The following SMC1A variants were observed in gnomAD, a reference collection of about 807,000 sequenced individuals.
SMC1A encodes the protein structural maintenance of chromosomes protein 1A.
SMC1A carries 4 observed loss-of-function variants against 94.5 expected under a neutral mutation model. That is an observed-to-expected ratio of 0.04 (90% CI 0.02 to 0.10). The LOEUF (loss-of-function observed/expected upper bound fraction) is 0.10. SMC1A is among the 10% of genes least tolerant of loss of function. SMC1A has a pLI of 1.00. For missense variants in SMC1A, 304 were observed against 989.0 expected (o/e 0.31, Z 9.29); for synonymous variants, 345 against 347.7 (o/e 0.99, Z 0.09).
intron 1 of SMC1A, 139 bp downstream of exon 1, chrX:53,422,353 C>T (rs782127386): frequency 1.2e-5 from 6 of 501,931 alleles, no homozygotes; most frequent in African/African-American, 2.3e-5. Context: ...TGGGTTCGAG[C>T]AGAACCCCCT....
chrX:53,374,659 C>T lies in SMC1A; in HGVS notation c.*5444G>A, dbSNP rs181871602. ...GGATCTCATAGTCAGTTTTGTCTCA[C>T]GGTTTCTGTTCCTCGTGGCTCCTAT... On this transcript the variant is annotated 3_prime_UTR_variant, in exon 25 of 25. Transcript: ENST00000322213. 61 of 112,048 alleles carry T rather than the reference C, an allele frequency of 5.4e-4. No individual in the cohort carries two copies. The highest frequency in any genetic ancestry group is 4.9e-4 in the Non-Finnish European group (26 of 53,179). The allele number at this position is 112,048 out of a possible 1,213,427, so 9.2% of individuals were successfully genotyped here. A position where few individuals can be genotyped will look rare whatever the true frequency, so the allele number is the denominator to read the frequency against.
Position 53,403,214 on chromosome X carries a change from T to TA in SMC1A, c.2420+351dup, listed in dbSNP as rs1222245410. On this transcript the variant is annotated intron_variant, in intron 15 of 24. Transcript: ENST00000322213. Reference sequence around the variant, plus strand: ...AAAAAAAAGGTAAAACAGGTAATCTTAAAAAAAAAAAATTATTTCACCTAA... The same window carrying TA: ...AAAAAAAAGGTAAAACAGGTAATCTTAAAAAAAAAAAAATTATTTCACCTAA... Among the ~76,000 whole-genome samples the TA allele has an allele frequency of 1.4e-3, 131 of 91,675 alleles. 1 individual carries two copies. Among genetic ancestry groups the TA allele is most frequent in the East Asian group, 4.7e-3 (14 of 2,954 alleles). 79.6% of individuals were successfully genotyped at this position (91,675 alleles called of 115,157 possible).
rs189564109 is a variant in SMC1A at position 53,374,476 on chromosome X, T to C, written c.*5627A>G. On this transcript the variant is annotated 3_prime_UTR_variant, in exon 25 of 25. Transcript: ENST00000322213. ...AGCTTCATGGCTCCCGGCGCTTCAG[T>C]TCCTATTAATCCATGGCTTTTCTGC... 3 of 111,733 alleles carry C rather than the reference T, an allele frequency of 2.7e-5. No homozygotes were observed. Among genetic ancestry groups the C allele is most frequent in the African/African-American group, 9.8e-5 (3 of 30,701 alleles). 9.2% of individuals were successfully genotyped at this position (111,733 alleles called of 1,213,427 possible).
chrX:53,380,324 T>C, intron 24 of SMC1A, 138 bp from the exon 25 acceptor site: 1 of 510,836 alleles, frequency 2.0e-6, no homozygotes, highest in African/African-American at 2.3e-5. Context: ...TCTCTGGGTG[T>C]GAGAGGATAT....
intron 1 of SMC1A, among the ~76,000 whole-genome samples, 167 bp from the exon 2 acceptor site, chrX:53,415,336 C>G (rs1055835281): frequency 2.7e-5 from 3 of 111,414 alleles, no homozygotes; most frequent in Non-Finnish European, 5.7e-5. Context: ...ACAACCAAAC[C>G]TCTGGGTCAA....
intron 19 of SMC1A, among the ~76,000 whole-genome samples, chrX:53,390,720 C>T (rs1389848079): frequency 1.3e-4 from 14 of 108,054 alleles, no homozygotes; most frequent in Non-Finnish European, 2.7e-4. Flanking sequence ...GGGCCAGGCG[C>T]GGTGGCTCAC....
Position 53,383,224 on chromosome X carries a change from T to C in SMC1A, c.3003A>G (p.Gln1001=), listed in dbSNP as rs782049998. Residue 1001 remains glutamine, a synonymous_variant, in exon 20 of 25, where the codon CAA becomes CAG. Coordinates refer to ENST00000322213, the MANE Select transcript of SMC1A (RefSeq NM_006306.4). ...GCTTCTGCTGCAGTGTGTTCATCTCTTGCTTGATCTCTTCCTCAGCCTGGG... is the reference window on the plus strand; with the variant it reads ...GCTTCTGCTGCAGTGTGTTCATCTCCTGCTTGATCTCTTCCTCAGCCTGGG... The part of the protein sequence containing the change: ...KDAQAEEEIK[Q]EMNTLQQKLN... 1.7e-6 allele frequency: 2 copies of C among 1,178,077 alleles called. No homozygotes were observed. The highest frequency in any genetic ancestry group is 6.2e-5 in the East Asian group (2 of 32,323).
rs2075565036 is a variant in SMC1A, at chrX:53,377,662, T to A, written c.*2441A>T. Reference sequence around the variant, plus strand: ...ACCTTTTTGGGCCTCAGTTTCCTTATCTGTAAAGTGGGGAGAACAGCAAAG... The same window carrying A: ...ACCTTTTTGGGCCTCAGTTTCCTTAACTGTAAAGTGGGGAGAACAGCAAAG... On this transcript the variant is annotated 3_prime_UTR_variant, in exon 25 of 25. Coordinates refer to ENST00000322213, the MANE Select transcript of SMC1A (RefSeq NM_006306.4). 9.0e-6 allele frequency: 1 copy of A among 111,668 alleles called. No homozygotes were observed. Among genetic ancestry groups the A allele is most frequent in the African/African-American group, 3.3e-5 (1 of 30,701 alleles). 9.2% of individuals were successfully genotyped at this position (111,668 alleles called of 1,213,427 possible).
In SMC1A at chrX:53,399,731, CTG is replaced by C. The variant is rs2075664421; in HGVS notation, c.2421-3_2421-2del. 2.5e-6 allele frequency: 3 copies of C among 1,207,750 alleles called. No homozygotes were observed. The Admixed American group carries it at 6.6e-5, about 26-fold the overall frequency. The stretch of plus-strand genomic sequence containing the variant: ...AGTCTTCTGATTCTCAAACTCCAAA[CTG>C]TGTATAAAGGTGGGGGGAGAATCAC... On this transcript the variant is annotated splice_acceptor_variant and splice_polypyrimidine_tract_variant and intron_variant, in intron 15 of 24. Coordinates refer to ENST00000322213, the MANE Select transcript of SMC1A (RefSeq NM_006306.4). LOFTEE classifies it high-confidence loss of function.
chrX:53,422,640 G>T lies in SMC1A; in HGVS notation c.-40C>A. 1.1e-6 allele frequency: 1 copy of T among 923,555 alleles called. No individual in the cohort carries two copies. Among genetic ancestry groups the T allele is most frequent in the Non-Finnish European group, 1.6e-6 (1 of 636,229 alleles). The allele number at this position is 923,555 out of a possible 1,213,427, so 76.1% of individuals were successfully genotyped here. A position where few individuals can be genotyped will look rare whatever the true frequency, so the allele number is the denominator to read the frequency against. On this transcript the variant is annotated 5_prime_UTR_variant, in exon 1 of 25. Coordinates refer to ENST00000322213, the MANE Select transcript of SMC1A (RefSeq NM_006306.4). ...CGGCGGCAGTAGGACAGGCCGCGCCGTACGCCCGAGAACTGAGGTAGCCCG... is the reference window on the plus strand; with the variant it reads ...CGGCGGCAGTAGGACAGGCCGCGCCTTACGCCCGAGAACTGAGGTAGCCCG...
intron 19 of SMC1A, among the ~76,000 whole-genome samples, chrX:53,386,917 T>C (rs782179037): frequency 7.7e-4 from 87 of 112,514 alleles, no homozygotes; most frequent in African/African-American, 2.8e-3. Context: ...CAATGAGGCT[T>C]TCCTTAGCTT....
Position 53,393,448 on chromosome X carries a change from AT to A in SMC1A, c.2973+1329del, listed in dbSNP as rs1556887560. On this transcript the variant is annotated intron_variant, in intron 19 of 24. Transcript: ENST00000322213. ...CTGCAAAAAAAATAAAAATAAAAAAATATTATGGGACTTTCATGGAAATCTA... is the reference window on the plus strand; with the variant it reads ...CTGCAAAAAAAATAAAAATAAAAAAAATTATGGGACTTTCATGGAAATCTA... Among the ~76,000 whole-genome samples the A allele has an allele frequency of 2.2e-4, 25 of 112,113 alleles. No homozygotes were observed. The South Asian group carries it at 8.8e-3, about 40-fold the overall frequency.
intron 15 of SMC1A, among the ~76,000 whole-genome samples, chrX:53,400,977 C>T (rs1556888820): frequency 9.0e-6 from 1 of 111,673 alleles, no homozygotes; most frequent in African/African-American, 3.3e-5. Flanking sequence ...TCTTCCTGAC[C>T]CTGCTTTTAT....
intron 1 of SMC1A, among the ~76,000 whole-genome samples, chrX:53,420,308 G>A (rs1276484122): frequency 1.8e-5 from 2 of 111,326 alleles, no homozygotes; most frequent in Non-Finnish European, 3.8e-5. Flanking sequence ...CAGATCACTT[G>A]AGCCCAGGAG....
At chrX:53,422,119 A>G (rs1556892217) in intron 1 of SMC1A, 2 of 1,081,658 alleles carry the variant, frequency 1.8e-6, no homozygotes. Flanking sequence ...GAGGGGGTCA[A>G]GTAAGGCTGG....
chrX:53,411,507 T>C, intron 7 of SMC1A, among the ~76,000 whole-genome samples: 1 of 110,873 alleles, frequency 9.0e-6, no homozygotes, highest in Non-Finnish European at 1.9e-5. Context: ...GGAGAATTGC[T>C]TGAACCCGGG....
intron 16 of SMC1A, among the ~76,000 whole-genome samples, 191 bp downstream of exon 16, chrX:53,399,398 T>C (rs2075663194): frequency 8.9e-6 from 1 of 112,640 alleles, no homozygotes; most frequent in South Asian, 3.6e-4. Context: ...TGTATGTGTT[T>C]AGGGACTATT....
Position 53,405,443 on chromosome X carries a change from T to C in SMC1A, c.1911+50A>G, listed in dbSNP as rs142064996. On this transcript the variant is annotated intron_variant, in intron 11 of 24. Coordinates refer to ENST00000322213, the MANE Select transcript of SMC1A (RefSeq NM_006306.4). ...GAGGGGGAGAAGCTGAACAAATGAA[T>C]CTCCAGTACTGAGCCTGTCCAGCTC... 5,606 of 1,208,668 alleles carry C rather than the reference T, an allele frequency of 4.6e-3. 12 individuals are homozygous for C. The highest frequency in any genetic ancestry group is 5.2e-3 in the Non-Finnish European group (4,688 of 894,352).
chrX:53,400,868 T>C lies in SMC1A; in HGVS notation c.2421-1138A>G, dbSNP rs142012848. ...TCCAAATGAAATATAACTAACTCTA[T>C]AATTTTGAGCTATGCAATTTTATAT... On this transcript the variant is annotated intron_variant, in intron 15 of 24. Coordinates refer to ENST00000322213, the MANE Select transcript of SMC1A (RefSeq NM_006306.4). 3.6e-5 allele frequency among the ~76,000 whole-genome samples: 4 copies of C among 111,656 alleles called. No homozygotes were observed. The East Asian group carries it at 1.1e-3, about 31-fold the overall frequency.
Sources: gnomAD v4.1 joint callset for allele counts (sites outside exome capture counted in the v4.1 genomes callset) on GRCh38, gnomAD v4.1.1 for gene constraint, MANE v1.5 for transcripts, NCBI Gene and HGNC (gene_info 2026-07-23, HGNC 2026-07-21) for gene names.